Variants in PPP2R2A observed in about 807,000 individuals in gnomAD.
PPP2R2A encodes the protein serine/threonine-protein phosphatase 2A 55 kDa regulatory subunit B alpha isoform.
Under a neutral mutation model 53.2 loss-of-function variants are expected in PPP2R2A, and 9 were observed. That is an observed-to-expected ratio of 0.17 (90% CI 0.10 to 0.30). The LOEUF (loss-of-function observed/expected upper bound fraction) is 0.30, where lower values mean the gene tolerates loss of function less well. Among genes scored for constraint, PPP2R2A ranks in the 10% least tolerant of loss-of-function variants. The pLI is 1.00. For synonymous variants in PPP2R2A, 169 were observed against 174.2 expected, an observed-to-expected ratio of 0.97 and a Z score of 0.23; for missense variants, 235 against 534.6, an observed-to-expected ratio of 0.44 and a Z score of 5.53.
At chr8:26,341,791 C>T (rs1240100767) in intron 3 of PPP2R2A, among the ~76,000 whole-genome samples, 1 of 152,132 alleles carries the variant, frequency 6.6e-6, no homozygotes, top group Non-Finnish European at 1.5e-5. Flanking sequence ...CAAAATATCT[C>T]CACCCACTCA....
At chr8:26,315,588 G>T (rs747972136) in intron 2 of PPP2R2A, among the ~76,000 whole-genome samples, 1 of 152,116 alleles carries the variant, frequency 6.6e-6, no homozygotes, top group South Asian at 2.1e-4. Flanking sequence ...TCTGTGTCTT[G>T]CATAGATGTT....
At chr8:26,368,389 C>A (rs1230216612) in intron 9 of PPP2R2A, among the ~76,000 whole-genome samples, 2 of 152,180 alleles carry the variant, frequency 1.3e-5, no homozygotes, top group Non-Finnish European at 2.9e-5. Flanking sequence ...CGGTAGCAGA[C>A]CCTTTCCAAA....
chr8:26,345,897 A>G (rs1382385777), intron 3 of PPP2R2A, among the ~76,000 whole-genome samples: 1 of 152,182 alleles, frequency 6.6e-6, no homozygotes, highest in Non-Finnish European at 1.5e-5. Flanking sequence ...GAGAGACGGC[A>G]TCAGCTCTTT....
intron 4 of PPP2R2A, among the ~76,000 whole-genome samples, chr8:26,355,825 G>A (rs78469946): frequency 0.063 from 9,516 of 150,344 alleles, 469 homozygotes; most frequent in East Asian, 0.25. Flanking sequence ...AGCCGAGATC[G>A]CGCCATTGCA....
chr8:26,370,683 T>C lies in PPP2R2A; in HGVS notation c.*270T>C, dbSNP rs1367131118. 2.1e-6 allele frequency: 1 copy of C among 473,808 alleles called. No individual in the cohort carries two copies. The highest frequency in any genetic ancestry group is 3.9e-6 in the Non-Finnish European group (1 of 258,808). 29.4% of individuals were successfully genotyped at this position (473,808 alleles called of 1,614,324 possible). A position where few individuals can be genotyped will look rare whatever the true frequency, so the allele number is the denominator to read the frequency against. ...CACCATCTTGCCTAATGGACTAGATTGGACTGTATCAACATTGATTTACTC... is the reference window on the plus strand; with the variant it reads ...CACCATCTTGCCTAATGGACTAGATCGGACTGTATCAACATTGATTTACTC... On this transcript the variant is annotated 3_prime_UTR_variant, in exon 10 of 10. Coordinates refer to ENST00000380737, the MANE Select transcript of PPP2R2A (RefSeq NM_002717.4). The surrounding 1 kb of genome is among the most constrained non-coding windows in gnomAD (Gnocchi z 6.1).
At chr8:26,343,161 G>A (rs538614700) in intron 3 of PPP2R2A, among the ~76,000 whole-genome samples, 1 of 152,122 alleles carries the variant, frequency 6.6e-6, no homozygotes, top group Admixed American at 6.5e-5. Context: ...GCAACAGAGT[G>A]AGACTGTCTC....
chr8:26,310,109 C>T (rs1358281532), intron 2 of PPP2R2A, among the ~76,000 whole-genome samples: 3 of 147,392 alleles, frequency 2.0e-5, no homozygotes, highest in African/African-American at 7.6e-5. Flanking sequence ...GATGAAATCC[C>T]GCCTCTACTA....
intron 8 of PPP2R2A, 109 bp downstream of exon 8, chr8:26,363,999 T>TTAGGCC: frequency 2.0e-6 from 2 of 999,112 alleles, no homozygotes. Context: ...TTGTTCACCA[T>TTAGGCC]TAGGCCTTTT....
chr8:26,298,494 C>T (rs988043011), intron 2 of PPP2R2A: 3 of 152,178 alleles, frequency 2.0e-5, no homozygotes, highest in African/African-American at 4.8e-5. Flanking sequence ...CATTGTGCCC[C>T]GATGTTACAT....
At position 26,354,450 on chromosome 8, in the gene PPP2R2A, T is replaced by C; in HGVS notation, c.181-18T>C. 2 of 1,498,624 alleles carry C rather than the reference T, an allele frequency of 1.3e-6. No individual in the cohort carries two copies. Among genetic ancestry groups the C allele is most frequent in the Non-Finnish European group, 1.8e-6 (2 of 1,113,718 alleles). 92.8% of individuals were successfully genotyped at this position (1,498,624 alleles called of 1,614,324 possible). ...ATATTTTTCAACAATGGTCCATATA[T>C]TTTTGTTTTCATTTTAGAACAAAAT... On this transcript the variant is annotated intron_variant, in intron 3 of 9. Transcript: ENST00000380737. This position sits in a 1 kb window ranked among gnomAD's most constrained non-coding sequence, Gnocchi z 4.6.
intron 7 of PPP2R2A, chr8:26,363,081 CTGT>C (rs1264236272): frequency 4.9e-6 from 2 of 408,490 alleles, no homozygotes; most frequent in Non-Finnish European, 8.8e-6. Flanking sequence ...TCATGGAATG[CTGT>C]TGTTCTTTGG....
At chr8:26,323,655 A>G (rs11775225) in intron 2 of PPP2R2A, among the ~76,000 whole-genome samples, 2,535 of 152,284 alleles carry the variant, frequency 0.017, 22 homozygotes, top group Middle Eastern at 0.027. Flanking sequence ...ACATGAAGAG[A>G]TATGTAGGAC....
chr8:26,303,906 T>C (rs183581284), intron 2 of PPP2R2A, among the ~76,000 whole-genome samples: 1 of 152,304 alleles, frequency 6.6e-6, no homozygotes, highest in East Asian at 1.9e-4. Flanking sequence ...TTGCCGGGAG[T>C]TACGCTCTTG....
chr8:26,305,862 G>A (rs1037558420), intron 2 of PPP2R2A, among the ~76,000 whole-genome samples: 3 of 152,092 alleles, frequency 2.0e-5, no homozygotes, highest in African/African-American at 4.8e-5. Flanking sequence ...GTTTCTTGGA[G>A]TTAAATTTTA....
At chr8:26,304,217 T>C (rs537254026) in intron 2 of PPP2R2A, among the ~76,000 whole-genome samples, 1 of 152,086 alleles carries the variant, frequency 6.6e-6, no homozygotes, top group South Asian at 2.1e-4. Flanking sequence ...TTTCCTGAGA[T>C]AATATGGGAG....
rs1023601342 is a variant in PPP2R2A, at chr8:26,372,467, C to G, written c.*2054C>G. ...TGATTGATCAGTAGCTATGATGATT[C>G]TCCTCCATGACACTAAGGATTAGTT... On this transcript the variant is annotated 3_prime_UTR_variant, in exon 10 of 10. Coordinates refer to ENST00000380737, the MANE Select transcript of PPP2R2A (RefSeq NM_002717.4). 6.6e-6 allele frequency: 1 copy of G among 152,108 alleles called. No homozygotes were observed. The highest frequency in any genetic ancestry group is 2.4e-5 in the African/African-American group (1 of 41,422). The allele number at this position is 152,108 out of a possible 1,614,324, so 9.4% of individuals were successfully genotyped here. A position where few individuals can be genotyped will look rare whatever the true frequency, so the allele number is the denominator to read the frequency against.
chr8:26,349,934 G>A (rs1406251420), intron 3 of PPP2R2A, among the ~76,000 whole-genome samples: 3 of 152,156 alleles, frequency 2.0e-5, no homozygotes, highest in Non-Finnish European at 4.4e-5. Flanking sequence ...AAAAAGTTCT[G>A]CTAATTTTAT....
chr8:26,316,025 G>A (rs1436588400), intron 2 of PPP2R2A, among the ~76,000 whole-genome samples: 2 of 151,840 alleles, frequency 1.3e-5, no homozygotes, highest in African/African-American at 4.8e-5. Context: ...TTTTTTTGAG[G>A]TGGAGTCTCA....
At chr8:26,336,854 CTTTT>C (rs770199536) in intron 2 of PPP2R2A, among the ~76,000 whole-genome samples, 2 of 141,386 alleles carry the variant, frequency 1.4e-5, no homozygotes, top group Non-Finnish European at 3.1e-5. Flanking sequence ...GTCAAAAGGC[CTTTT>C]TTTTTTTTTA....
Sources: gnomAD v4.1 joint callset for allele counts (sites outside exome capture counted in the v4.1 genomes callset) on GRCh38, gnomAD v4.1.1 for gene constraint, Gnocchi (gnomAD v3.1) non-coding constraint, MANE v1.5 for transcripts, NCBI Gene and HGNC (gene_info 2026-07-23, HGNC 2026-07-21) for gene names.